PRKG1: variants seen among roughly 807,000 people sequenced by gnomAD.
The protein encoded by PRKG1 is cGMP-dependent protein kinase 1.
Under a neutral mutation model 88.1 loss-of-function variants are expected in PRKG1, and 35 were observed. The ratio of observed to expected loss-of-function variants is 0.40; its 90% CI spans 0.30 to 0.53. The LOEUF is 0.53. Among genes scored for constraint, PRKG1 ranks in the 20% least tolerant of loss-of-function variants. The pLI is 0.59. For missense variants in PRKG1, 540 were observed against 839.8 expected (o/e 0.64, Z 4.41); for synonymous variants, 303 against 292.5 (o/e 1.04, Z -0.37).
At chr10:51,313,947 C>T in intron 2 of PRKG1, among the ~76,000 whole-genome samples, 1 of 152,072 alleles carries the variant, frequency 6.6e-6, no homozygotes, top group East Asian at 1.9e-4. Flanking sequence ...TTGGATGAAT[C>T]CATGGGTGTG....
At chr10:51,391,100 G>A (rs900227686) in intron 2 of PRKG1, among the ~76,000 whole-genome samples, 8 of 152,160 alleles carry the variant, frequency 5.3e-5, no homozygotes, top group Non-Finnish European at 1.2e-4. Flanking sequence ...ACTTGTGGAG[G>A]AGTGCAAATT....
intron 5 of PRKG1, among the ~76,000 whole-genome samples, chr10:52,024,178 G>A (rs1310685783): frequency 6.6e-6 from 1 of 152,116 alleles, no homozygotes; most frequent in Non-Finnish European, 1.5e-5. Flanking sequence ...TCTTGGATAG[G>A]AAGAATCAAT....
chr10:51,431,388 C>T (rs1031687411), intron 2 of PRKG1, among the ~76,000 whole-genome samples: 5 of 152,138 alleles, frequency 3.3e-5, no homozygotes, highest in South Asian at 4.1e-4. Context: ...GGAGTTTCCA[C>T]GGGAAGGACA....
At chr10:51,796,248 A>G (rs1451216691) in intron 3 of PRKG1, among the ~76,000 whole-genome samples, 1 of 152,144 alleles carries the variant, frequency 6.6e-6, no homozygotes, top group Non-Finnish European at 1.5e-5. Flanking sequence ...CAGAAATGTT[A>G]TATAAGCAAT....
In PRKG1 at chr10:52,139,511, C is replaced by T. The variant is rs140419044; in HGVS notation, c.1001+5606C>T. ...TTATTCAGATATTCAACTCCAAGTT[C>T]CAGGGGCAAAGAAACAGAAATACTG... is the stretch of plus-strand genomic sequence containing the variant. On this transcript the variant is annotated intron_variant, in intron 8 of 17. Transcript: ENST00000373980. Among the ~76,000 whole-genome samples, 497 of 152,134 alleles carry T rather than the reference C, an allele frequency of 3.3e-3. 2 individuals are homozygous for T. The highest frequency in any genetic ancestry group is 0.012 in the African/African-American group (484 of 41,516).
At chr10:52,216,376 G>A (rs1015926080) in intron 9 of PRKG1, among the ~76,000 whole-genome samples, 5 of 152,148 alleles carry the variant, frequency 3.3e-5, no homozygotes, top group East Asian at 1.9e-4. Context: ...GATAGCTACC[G>A]GAATGCCAGG....
At chr10:51,374,213 T>A (rs1206065153) in intron 2 of PRKG1, among the ~76,000 whole-genome samples, 1 of 151,156 alleles carries the variant, frequency 6.6e-6, no homozygotes, top group East Asian at 1.9e-4. Context: ...GTTACGTATT[T>A]CTCCTAATGC....
intron 2 of PRKG1, among the ~76,000 whole-genome samples, chr10:51,336,274 C>T (rs1352838762): frequency 6.6e-6 from 1 of 151,918 alleles, no homozygotes; most frequent in South Asian, 2.1e-4. Flanking sequence ...AATCACTTGA[C>T]CCTGGGAGGC....
rs111607213 is a variant in PRKG1 at position 52,173,772 on chromosome 10, A to G, written c.1076+11809A>G. 5.2e-3 allele frequency among the ~76,000 whole-genome samples: 786 copies of G among 152,300 alleles called. 9 individuals carry two copies. Among genetic ancestry groups the G allele is most frequent in the African/African-American group, 0.018 (751 of 41,578 alleles). On this transcript the variant is annotated intron_variant, in intron 9 of 17. Transcript: ENST00000373980. ...CTGCTCTAATATTCAAAAACTGTAC[A>G]AACATTTTAGAAAACCTAGATACAT...
intron 2 of PRKG1, among the ~76,000 whole-genome samples, chr10:51,304,596 T>TA (rs1264903963): frequency 4.6e-5 from 7 of 150,842 alleles, no homozygotes; most frequent in Admixed American, 2.0e-4. Context: ...ACTCATCATT[T>TA]AGCATTAGGT....
chr10:51,923,376 T>C (rs1842502624), intron 5 of PRKG1, among the ~76,000 whole-genome samples: 1 of 151,686 alleles, frequency 6.6e-6, no homozygotes, highest in Non-Finnish European at 1.5e-5. Flanking sequence ...ATTTACACTG[T>C]TCAAATTTAA....
At chr10:51,488,017 A>G (rs141137149) in intron 3 of PRKG1, among the ~76,000 whole-genome samples, 1 of 152,294 alleles carries the variant, frequency 6.6e-6, no homozygotes, top group Admixed American at 6.5e-5. Context: ...CTGTATATCG[A>G]TAATACATGG....
At chr10:51,555,906 G>A (rs1267438091) in intron 3 of PRKG1, among the ~76,000 whole-genome samples, 2 of 151,788 alleles carry the variant, frequency 1.3e-5, no homozygotes, top group East Asian at 3.9e-4. Flanking sequence ...AACAAACCTG[G>A]TTTTTATATC....
chr10:51,554,060 TGTATATATTATATGTGCGTATGTGATAC>T lies in PRKG1; in HGVS notation c.592+86227_592+86254del, dbSNP rs1564547357. On this transcript the variant is annotated intron_variant, in intron 3 of 17. Coordinates refer to ENST00000373980, the MANE Select transcript of PRKG1 (RefSeq NM_006258.4). ...ATATTATATGTGCGTATGTGATACG[TGTATATATTATATGTGCGTATGTGATAC>T]GTGTATATATTATATGTGCGTATGT... Among the ~76,000 whole-genome samples the T allele has an allele frequency of 1.5e-3, 201 of 134,926 alleles. 2 individuals carry two copies. Among genetic ancestry groups the T allele is most frequent in the African/African-American group, 5.4e-3 (186 of 34,508 alleles). 88.5% of individuals were successfully genotyped at this position (134,926 alleles called of 152,430 possible).
chr10:51,336,249 AG>A (rs1841872987), intron 2 of PRKG1, among the ~76,000 whole-genome samples: 1 of 152,116 alleles, frequency 6.6e-6, no homozygotes, highest in African/African-American at 2.4e-5. Context: ...GCTACTCAGG[AG>A]GCTGACGCAG....
At chr10:51,567,631 G>T (rs1488453787) in intron 3 of PRKG1, among the ~76,000 whole-genome samples, 1 of 152,044 alleles carries the variant, frequency 6.6e-6, no homozygotes, top group Non-Finnish European at 1.5e-5. Flanking sequence ...CTATCACCCA[G>T]GCTGGAAGAC....
rs548594686 is a variant in PRKG1 at position 51,102,366 on chromosome 10, T to A, written c.311+27465T>A. Among the ~76,000 whole-genome samples, 16 of 152,208 alleles carry A rather than the reference T, an allele frequency of 1.1e-4. No individual in the cohort carries two copies. The East Asian group carries it at 2.9e-3, about 28-fold the overall frequency. On this transcript the variant is annotated intron_variant, in intron 1 of 17. Coordinates refer to ENST00000373980, the MANE Select transcript of PRKG1 (RefSeq NM_006258.4). The stretch of plus-strand genomic sequence containing the variant: ...AATTGACTCCTATAAACTACCACAG[T>A]AGTTTCTTCTCCATTCTGGCAAGAC...
intron 2 of PRKG1, among the ~76,000 whole-genome samples, chr10:51,268,079 A>G (rs2132171079): frequency 6.6e-6 from 1 of 152,312 alleles, no homozygotes; most frequent in East Asian, 1.9e-4. Flanking sequence ...ATCACATGTC[A>G]GCAGGTTCCG....
intron 4 of PRKG1, among the ~76,000 whole-genome samples, chr10:51,864,426 T>C (rs1028725045): frequency 3.9e-5 from 6 of 152,240 alleles, no homozygotes; most frequent in Admixed American, 2.0e-4. Context: ...GTTTGGAATG[T>C]ATTGAGTTAG....
Sources: gnomAD v4.1 joint callset for allele counts (sites outside exome capture counted in the v4.1 genomes callset) on GRCh38, gnomAD v4.1.1 for gene constraint, MANE v1.5 for transcripts, NCBI Gene and HGNC (gene_info 2026-07-23, HGNC 2026-07-21) for gene names.